PDZD2: variants seen among roughly 807,000 people sequenced by gnomAD.
The protein encoded by PDZD2 is PDZ domain-containing protein 2.
PDZD2 carries 90 observed loss-of-function variants against 220.7 expected under a neutral mutation model. The observed-to-expected ratio is 0.41, with a 90% confidence interval of 0.34 to 0.49. The LOEUF (loss-of-function observed/expected upper bound fraction) is 0.49. PDZD2 is among the 20% of genes least tolerant of loss of function. The probability of loss-of-function intolerance (pLI) is 0.28; values close to 1 mark genes in which losing one functional copy is unlikely to be tolerated. For missense variants in PDZD2, 3,174 were observed against 3,608.5 expected, an observed-to-expected ratio of 0.88 and a Z score of 3.08; for synonymous variants, 1,375 against 1,450.5, an observed-to-expected ratio of 0.95 and a Z score of 1.18.
chr5:31,961,580 T>G (rs1748235205), intron 2 of PDZD2, among the ~76,000 whole-genome samples: 1 of 151,690 alleles, frequency 6.6e-6, no homozygotes. Context: ...CTATTGAGAT[T>G]TAAGAAAAGA....
intron 2 of PDZD2, among the ~76,000 whole-genome samples, chr5:31,886,146 G>A (rs2150342188): frequency 6.6e-6 from 1 of 152,244 alleles, no homozygotes; most frequent in African/African-American, 2.4e-5. Flanking sequence ...TGATCCGCCT[G>A]TCTTGGCCTC....
intron 1 of PDZD2, among the ~76,000 whole-genome samples, chr5:31,752,069 G>T (rs2330774): frequency 0.6 from 54,071 of 90,168 alleles, 16,181 homozygotes; most frequent in Non-Finnish European, 0.65. Context: ...ATTGTTTTGG[G>T]TTTGTTTTTT....
intron 2 of PDZD2, among the ~76,000 whole-genome samples, chr5:31,813,411 C>G (rs1755241831): frequency 7.5e-6 from 1 of 133,468 alleles, no homozygotes; most frequent in African/African-American, 2.8e-5. Context: ...GATTGCACCA[C>G]TGTACTCCAG....
At chr5:31,701,186 G>A (rs1747593043) in intron 1 of PDZD2, among the ~76,000 whole-genome samples, 1 of 143,620 alleles carries the variant, frequency 7.0e-6, no homozygotes. Context: ...AAGGGGGCAG[G>A]CCTGGAAAAT....
chr5:31,816,377 A>G (rs775906595), intron 2 of PDZD2, among the ~76,000 whole-genome samples: 2 of 152,054 alleles, frequency 1.3e-5, no homozygotes, highest in African/African-American at 2.4e-5. Context: ...AGCCAAGTAC[A>G]GTAGTTCCCA....
At chr5:31,784,104 G>A (rs1701722846) in intron 1 of PDZD2, among the ~76,000 whole-genome samples, 1 of 152,130 alleles carries the variant, frequency 6.6e-6, no homozygotes, top group Non-Finnish European at 1.5e-5. Flanking sequence ...GTGGAAAAAA[G>A]AACATGAAAT....
At chr5:32,021,066 T>A (rs1166120368) in intron 6 of PDZD2, among the ~76,000 whole-genome samples, 1 of 152,070 alleles carries the variant, frequency 6.6e-6, no homozygotes, top group East Asian at 1.9e-4. Flanking sequence ...AATTTTTTTT[T>A]TTTTTTTTTA....
At chr5:31,837,304 T>G (rs919314666) in intron 2 of PDZD2, among the ~76,000 whole-genome samples, 20 of 152,162 alleles carry the variant, frequency 1.3e-4, no homozygotes, top group African/African-American at 4.3e-4. Flanking sequence ...AGACTCCCTT[T>G]GGGTACCAGG....
chr5:31,761,412 A>G (rs7707027), intron 1 of PDZD2, among the ~76,000 whole-genome samples: 75,451 of 150,984 alleles, frequency 0.5, 20,357 homozygotes, highest in Non-Finnish European at 0.61. Flanking sequence ...CTTGGGGGAT[A>G]AAGGAAAAGG....
intron 2 of PDZD2, chr5:31,847,363 T>G (rs1580879640): frequency 2.3e-6 from 1 of 431,810 alleles, no homozygotes; most frequent in East Asian, 4.8e-5. Context: ...CCGATTACTA[T>G]GCTAAGAAAC....
At chr5:31,917,432 G>A (rs6450875) in intron 2 of PDZD2, among the ~76,000 whole-genome samples, 20,249 of 152,186 alleles carry the variant, frequency 0.13, 1,500 homozygotes, top group Non-Finnish European at 0.16. Context: ...GGAGGCTGAG[G>A]CAGGAGCATC....
intron 2 of PDZD2, among the ~76,000 whole-genome samples, chr5:31,937,246 C>T (rs1213561378): frequency 6.6e-6 from 1 of 152,132 alleles, no homozygotes; most frequent in Non-Finnish European, 1.5e-5. Context: ...GACATGTTTT[C>T]CCTCACTAAT....
chr5:31,649,879 A>G (rs1394300466), intron 1 of PDZD2, among the ~76,000 whole-genome samples: 3 of 135,996 alleles, frequency 2.2e-5, no homozygotes, highest in Non-Finnish European at 4.6e-5. Flanking sequence ...CGGAGGTTGC[A>G]GTAAGCCGAG....
intron 1 of PDZD2, among the ~76,000 whole-genome samples, chr5:31,702,507 G>T (rs145369643): frequency 6.6e-6 from 1 of 152,102 alleles, no homozygotes; most frequent in Non-Finnish European, 1.5e-5. Context: ...GGCAGAAGTC[G>T]GCCTTCCAGA....
chr5:31,920,155 G>A (rs925070287), intron 2 of PDZD2, among the ~76,000 whole-genome samples: 2 of 151,830 alleles, frequency 1.3e-5, no homozygotes, highest in Non-Finnish European at 2.9e-5. Flanking sequence ...ATAGTGGCAC[G>A]CACCTATAAT....
intron 1 of PDZD2, among the ~76,000 whole-genome samples, chr5:31,719,725 G>A (rs1234482061): frequency 2.0e-5 from 3 of 152,134 alleles, no homozygotes; most frequent in African/African-American, 7.2e-5. Flanking sequence ...ATCATTTACA[G>A]TCTAGCTTCT....
rs536306770 is a variant in PDZD2 at position 32,037,918 on chromosome 5, T to C, written c.1519+576T>C. 1.9e-3 allele frequency among the ~76,000 whole-genome samples: 284 copies of C among 151,636 alleles called. 2 individuals carry two copies. Among genetic ancestry groups the C allele is most frequent in the Non-Finnish European group, 2.9e-3 (200 of 67,906 alleles). On this transcript the variant is annotated intron_variant, in intron 7 of 24. Transcript: ENST00000438447. ...GTGCAGTGGCATGATCTCGGCTCAC[T>C]ACAACCTCCGCCTCCCGGGTTCAAG...
chr5:31,712,592 C>A (rs1304035093), intron 1 of PDZD2, among the ~76,000 whole-genome samples: 1 of 152,208 alleles, frequency 6.6e-6, no homozygotes, highest in African/African-American at 2.4e-5. Context: ...GCTCATGGCT[C>A]CCCAGAGAGA....
intron 2 of PDZD2, among the ~76,000 whole-genome samples, chr5:31,827,754 C>G (rs1756318983): frequency 6.6e-6 from 1 of 151,556 alleles, no homozygotes. Flanking sequence ...AGATGTTCAC[C>G]TACTATAAAA....
Sources: allele counts gnomAD v4.1 joint callset (sites outside exome capture counted in the v4.1 genomes callset), GRCh38; gene constraint gnomAD v4.1.1; transcripts MANE v1.5; gene names NCBI Gene and HGNC (gene_info 2026-07-23, HGNC 2026-07-21).